Variants in HDX observed in about 807,000 individuals in gnomAD.
HDX encodes highly divergent homeobox.
Under a neutral mutation model 45.2 loss-of-function variants are expected in HDX, and 19 were observed. That is an observed-to-expected ratio of 0.42 (90% CI 0.29 to 0.62). The LOEUF is 0.62. Among genes scored for constraint, HDX ranks in the 20% least tolerant of loss-of-function variants. The pLI is 0.20. For missense variants in HDX, 532 were observed against 493.9 expected (o/e 1.08, Z -0.73); for synonymous variants, 188 against 172.8 (o/e 1.09, Z -0.69).
At chrX:84,383,878 A>T (rs1018160894) in intron 5 of HDX, among the ~76,000 whole-genome samples, 1 of 111,578 alleles carries the variant, frequency 9.0e-6, no homozygotes, top group African/African-American at 3.3e-5. Context: ...AAAGGACATG[A>T]TTTTGTTCCC....
chrX:84,451,596 A>G (rs371070830), intron 4 of HDX, among the ~76,000 whole-genome samples: 1 of 111,631 alleles, frequency 9.0e-6, no homozygotes, highest in East Asian at 2.8e-4. Context: ...ATTCTATGAA[A>G]CTTACAAGGA....
chrX:84,410,282 T>C (rs2038954584), intron 5 of HDX, among the ~76,000 whole-genome samples: 1 of 110,920 alleles, frequency 9.0e-6, no homozygotes, highest in South Asian at 3.8e-4. Flanking sequence ...GTGATGTTGC[T>C]GTGTGTTGGT....
chrX:84,341,843 C>T (rs1488513043), intron 7 of HDX, among the ~76,000 whole-genome samples: 1 of 109,456 alleles, frequency 9.1e-6, no homozygotes, highest in African/African-American at 3.3e-5. Context: ...GGATCCTTTT[C>T]GCCTCAGCTT....
intron 4 of HDX, among the ~76,000 whole-genome samples, chrX:84,447,889 C>A (rs11798496): frequency 0.48 from 52,340 of 109,822 alleles, 9,281 homozygotes; most frequent in African/African-American, 0.62. Flanking sequence ...TGCCTGCTAC[C>A]CAGCCACCTG....
intron 2 of HDX, among the ~76,000 whole-genome samples, chrX:84,485,456 T>G (rs890941302): frequency 8.9e-6 from 1 of 112,105 alleles, no homozygotes; most frequent in South Asian, 3.7e-4. Flanking sequence ...CAGGCTGGAG[T>G]GCAGTGGCAC....
At position 84,344,236 on chromosome X, in the gene HDX, A is replaced by G. The variant is rs749531576; in HGVS notation, c.1660+14T>C. 1 of 1,135,668 alleles carries G rather than the reference A, an allele frequency of 8.8e-7. No individual in the cohort carries two copies. The highest frequency in any genetic ancestry group is 1.9e-5 in the South Asian group (1 of 53,974). 93.6% of individuals were successfully genotyped at this position (1,135,668 alleles called of 1,213,427 possible). A position where few individuals can be genotyped will look rare whatever the true frequency, so the allele number is the denominator to read the frequency against. On this transcript the variant is annotated intron_variant, in intron 7 of 10. Coordinates refer to ENST00000373177, the MANE Select transcript of HDX (RefSeq NM_001177479.2). Reference sequence around the variant, plus strand: ...TACAAAGGCTATTATTAGAAGATTCAGCATATAAAGTACCTTGAGAGCTTC... The same window carrying G: ...TACAAAGGCTATTATTAGAAGATTCGGCATATAAAGTACCTTGAGAGCTTC...
intron 4 of HDX, among the ~76,000 whole-genome samples, chrX:84,464,119 A>G (rs1318277870): frequency 9.0e-6 from 1 of 111,326 alleles, no homozygotes; most frequent in Non-Finnish European, 1.9e-5. Flanking sequence ...ACAGTTTCAT[A>G]GCAAGAATGT....
intron 10 of HDX, among the ~76,000 whole-genome samples, chrX:84,325,443 T>A (rs1052126786): frequency 2.6e-4 from 29 of 111,451 alleles, no homozygotes; most frequent in Non-Finnish European, 1.1e-4. Flanking sequence ...CAAATGAAAA[T>A]TTGGTATAAT....
intron 4 of HDX, among the ~76,000 whole-genome samples, chrX:84,456,562 ACT>A (rs1167773104): frequency 1.8e-5 from 2 of 111,338 alleles, no homozygotes; most frequent in African/African-American, 6.5e-5. Flanking sequence ...AATGGACTAA[ACT>A]CTCTAATCAA....
intron 5 of HDX, among the ~76,000 whole-genome samples, chrX:84,400,947 T>C (rs2038689421): frequency 1.8e-5 from 2 of 111,614 alleles, no homozygotes; most frequent in Admixed American, 1.9e-4. Flanking sequence ...AAACAAGCAA[T>C]GGGGAAAGGA....
intron 5 of HDX, among the ~76,000 whole-genome samples, chrX:84,389,675 A>G (rs1338939013): frequency 9.0e-6 from 1 of 111,563 alleles, no homozygotes; most frequent in East Asian, 2.8e-4. Context: ...ATGGAGAAGC[A>G]GGTTTCACTC....
At chrX:84,367,710 A>T (rs2037793244) in intron 5 of HDX, among the ~76,000 whole-genome samples, 1 of 111,959 alleles carries the variant, frequency 8.9e-6, no homozygotes, top group Non-Finnish European at 1.9e-5. Flanking sequence ...AGGAGCATGG[A>T]TGAAGCTGGA....
intron 5 of HDX, among the ~76,000 whole-genome samples, chrX:84,402,669 G>A (rs1164401542): frequency 1.8e-5 from 2 of 111,420 alleles, no homozygotes; most frequent in Non-Finnish European, 3.8e-5. Context: ...TTGTGAGAAT[G>A]TAAATTTTCA....
chrX:84,396,578 G>A (rs2038570976), intron 5 of HDX, among the ~76,000 whole-genome samples: 1 of 112,255 alleles, frequency 8.9e-6, no homozygotes, highest in African/African-American at 3.2e-5. Flanking sequence ...AAAGTTCTCA[G>A]GCTATACAGC....
At chrX:84,349,609 G>GTATATATATATA (rs752855941) in intron 6 of HDX, among the ~76,000 whole-genome samples, 8 of 77,566 alleles carry the variant, frequency 1.0e-4, no homozygotes, top group African/African-American at 4.1e-4. Flanking sequence ...ATGTGTGTGT[G>GTATATATATATA]TATATATATA....
At chrX:84,393,883 T>G (rs774145066) in intron 5 of HDX, among the ~76,000 whole-genome samples, 1 of 110,996 alleles carries the variant, frequency 9.0e-6, no homozygotes, top group South Asian at 3.8e-4. Context: ...TATCTCTGAT[T>G]TTGTTTATTT....
At chrX:84,436,477 C>A (rs1338377542) in intron 5 of HDX, among the ~76,000 whole-genome samples, 2 of 111,415 alleles carry the variant, frequency 1.8e-5, no homozygotes, top group Non-Finnish European at 3.8e-5. Context: ...ATTAACTTGG[C>A]TTTAATACTG....
chrX:84,353,171 C>A (rs1023649907), intron 6 of HDX, among the ~76,000 whole-genome samples: 1 of 111,623 alleles, frequency 9.0e-6, no homozygotes, highest in Non-Finnish European at 1.9e-5. Flanking sequence ...CTAGAAGGCA[C>A]TAGAAAAATG....
At chrX:84,493,330 T>C (rs1306961664) in intron 1 of HDX, among the ~76,000 whole-genome samples, 3 of 111,610 alleles carry the variant, frequency 2.7e-5, no homozygotes, top group Non-Finnish European at 5.6e-5. Context: ...ATTGCTTAGG[T>C]GAAAATAGAA....
Sources: gnomAD v4.1 joint callset for allele counts (sites outside exome capture counted in the v4.1 genomes callset) on GRCh38, gnomAD v4.1.1 for gene constraint, MANE v1.5 for transcripts, NCBI Gene and HGNC (gene_info 2026-07-23, HGNC 2026-07-21) for gene names.